Variants in DACH1 observed in about 807,000 individuals in gnomAD.
DACH1 encodes dachshund homolog 1.
A neutral mutation model predicts 54.2 loss-of-function variants in DACH1; 12 were observed. The observed-to-expected ratio is 0.22, with a 90% CI of 0.14 to 0.36. DACH1 has a LOEUF of 0.36. Among genes scored for constraint, DACH1 ranks in the 10% least tolerant of loss-of-function variants. The pLI, the probability that DACH1 is intolerant of heterozygous loss-of-function variation, is 1.00. For synonymous variants in DACH1, 386 were observed against 366.2 expected, an observed-to-expected ratio of 1.05 and a Z score of -0.62; for missense variants, 805 against 929.8, an observed-to-expected ratio of 0.87 and a Z score of 1.75.
intron 1 of DACH1, among the ~76,000 whole-genome samples, chr13:71,684,697 C>G (rs925613819): frequency 6.6e-6 from 1 of 152,108 alleles, no homozygotes; most frequent in African/African-American, 2.4e-5. Flanking sequence ...TCTCCCAAGG[C>G]TACTTGACAG....
At chr13:71,663,158 G>C (rs1879618963) in intron 2 of DACH1, among the ~76,000 whole-genome samples, 1 of 149,184 alleles carries the variant, frequency 6.7e-6, no homozygotes, top group Admixed American at 6.6e-5. Flanking sequence ...TTGTGTATAT[G>C]ATTGTGTGTG....
intron 10 of DACH1, among the ~76,000 whole-genome samples, chr13:71,449,570 T>C (rs1476387308): frequency 6.6e-6 from 1 of 151,860 alleles, no homozygotes; most frequent in Non-Finnish European, 1.5e-5. Context: ...AAATACCTAA[T>C]GCATGCAGGG....
intron 1 of DACH1, among the ~76,000 whole-genome samples, chr13:71,741,891 T>C (rs1594163974): frequency 6.6e-6 from 1 of 152,076 alleles, no homozygotes; most frequent in Non-Finnish European, 1.5e-5. Context: ...CACCTACGTA[T>C]AGTCACTTAA....
chr13:71,795,794 TATA>T (rs1403616245), intron 1 of DACH1, among the ~76,000 whole-genome samples: 1 of 152,202 alleles, frequency 6.6e-6, no homozygotes, highest in Admixed American at 6.5e-5. Context: ...ATGTGAGCAC[TATA>T]ATATCTTCCC....
chr13:71,539,125 T>C (rs1882982589), intron 6 of DACH1, among the ~76,000 whole-genome samples: 2 of 152,072 alleles, frequency 1.3e-5, no homozygotes. Context: ...CTCTATTTGT[T>C]AAGAGGCAAG....
intron 1 of DACH1, among the ~76,000 whole-genome samples, chr13:71,845,244 T>G (rs1434631547): frequency 1.3e-5 from 2 of 148,810 alleles, no homozygotes; most frequent in Non-Finnish European, 2.9e-5. Flanking sequence ...GTCAATTTTC[T>G]AAAAATGTTA....
At chr13:71,801,737 T>C (rs1019978361) in intron 1 of DACH1, among the ~76,000 whole-genome samples, 1 of 151,908 alleles carries the variant, frequency 6.6e-6, no homozygotes, top group Non-Finnish European at 1.5e-5. Flanking sequence ...CCCCAGACTT[T>C]AAAACATAAT....
chr13:71,711,200 G>C (rs1177758227), intron 1 of DACH1, among the ~76,000 whole-genome samples: 1 of 152,044 alleles, frequency 6.6e-6, no homozygotes, highest in African/African-American at 2.4e-5. Context: ...AGAATACACA[G>C]CAATAAAGAG....
intron 1 of DACH1, among the ~76,000 whole-genome samples, chr13:71,798,323 C>CATATATATATATAT (rs35310464): frequency 3.1e-5 from 3 of 96,500 alleles, no homozygotes; most frequent in Non-Finnish European, 4.4e-5. Flanking sequence ...TTGTTACATA[C>CATATATATATATAT]ATATATATAT....
chr13:71,647,814 C>A (rs1161576344), intron 2 of DACH1, among the ~76,000 whole-genome samples: 3 of 152,186 alleles, frequency 2.0e-5, no homozygotes, highest in African/African-American at 7.2e-5. Context: ...AAAATAGCTA[C>A]CAACTTCAAA....
chr13:71,777,819 A>T (rs1002175428), intron 1 of DACH1, among the ~76,000 whole-genome samples: 1 of 152,076 alleles, frequency 6.6e-6, no homozygotes, highest in African/African-American at 2.4e-5. Flanking sequence ...TGAATTATTA[A>T]ATCAATAAAT....
chr13:71,753,924 C>T (rs1885031635), intron 1 of DACH1, among the ~76,000 whole-genome samples: 1 of 152,036 alleles, frequency 6.6e-6, no homozygotes, highest in Admixed American at 6.6e-5. Context: ...GTATAAATGA[C>T]CAAATGTTTT....
chr13:71,803,502 T>C (rs973473116), intron 1 of DACH1, among the ~76,000 whole-genome samples: 8 of 152,182 alleles, frequency 5.3e-5, no homozygotes, highest in Non-Finnish European at 1.2e-4. Flanking sequence ...CCCATGATTG[T>C]AAATTTGCAA....
intron 7 of DACH1, among the ~76,000 whole-genome samples, chr13:71,480,458 A>T (rs1476940053): frequency 6.6e-6 from 1 of 152,214 alleles, no homozygotes; most frequent in Non-Finnish European, 1.5e-5. Flanking sequence ...TGAAAATTAG[A>T]TATGGAAATA....
intron 4 of DACH1, among the ~76,000 whole-genome samples, chr13:71,571,622 A>G (rs967023129): frequency 6.6e-6 from 1 of 152,138 alleles, no homozygotes; most frequent in Non-Finnish European, 1.5e-5. Context: ...TTGATACTAC[A>G]GAAAATGACC....
chr13:71,589,659 C>A (rs770024174), intron 3 of DACH1, among the ~76,000 whole-genome samples: 3 of 151,710 alleles, frequency 2.0e-5, no homozygotes, highest in Non-Finnish European at 2.9e-5. Flanking sequence ...TTGATATTGA[C>A]GTTTTGATTC....
Position 71,866,332 on chromosome 13 carries a change from G to A in DACH1, c.438C>T (p.Ser146=), listed in dbSNP as rs763655531. Residue 146 remains serine (S), a synonymous_variant, in exon 1 of 11, where the codon AGC becomes AGT. Coordinates refer to ENST00000613252, the MANE Select transcript of DACH1 (RefSeq NM_080759.6). Reference sequence around the variant, plus strand: ...TACTACTGCTGCTGCTGCTGCTGCTGCTACTGCTGCTGCTGCTGCTGCCGG... The same window carrying A: ...TACTACTGCTGCTGCTGCTGCTGCTACTACTGCTGCTGCTGCTGCTGCCGG... ...ASTGSSSSSS[S]SSSSSSSSSS... is the part of the protein sequence containing the mutation. The A allele has an allele frequency of 1.6e-5, 25 of 1,529,648 alleles. No individual in the cohort carries two copies. Among genetic ancestry groups the A allele is most frequent in the South Asian group, 2.4e-5 (2 of 83,816 alleles). 94.8% of individuals were successfully genotyped at this position (1,529,648 alleles called of 1,614,324 possible).
rs1882122619 is a variant in DACH1, at chr13:71,701,215, AT to A, written c.849-19306del. Among the ~76,000 whole-genome samples, 3 of 152,178 alleles carry A rather than the reference AT, an allele frequency of 2.0e-5. No individual in the cohort carries two copies. In the South Asian group the frequency reaches 6.2e-4, roughly 31 times the overall value. ...CTTTTTTTAATAAATGTTCATATAT[AT>A]GTACTAAGCTATTTGAAGTCAATAA... On this transcript the variant is annotated intron_variant, in intron 1 of 10. Coordinates refer to ENST00000613252, the MANE Select transcript of DACH1 (RefSeq NM_080759.6).
chr13:71,475,142 T>C lies in DACH1; in HGVS notation c.2082A>G (p.Gln694=). ...GGRTDAERTI[Q]DGRLYLKTTV... ...TTATAGCCTTCTGCAAATTCCTACC[T>C]TGTATTGTCCTTTCAGCATCTGTTC... Residue 694 remains glutamine, a splice_region_variant and synonymous_variant, in exon 10 of 11, where the codon CAA becomes CAG. Coordinates refer to ENST00000613252, the MANE Select transcript of DACH1 (RefSeq NM_080759.6). The C allele has an allele frequency of 6.2e-7, 1 of 1,613,744 alleles. No individual in the cohort carries two copies. Among genetic ancestry groups the C allele is most frequent in the Non-Finnish European group, 8.5e-7 (1 of 1,179,692 alleles).
Sources: gnomAD v4.1 joint callset for allele counts (sites outside exome capture counted in the v4.1 genomes callset) on GRCh38, gnomAD v4.1.1 for gene constraint, MANE v1.5 for transcripts, NCBI Gene and HGNC (gene_info 2026-07-23, HGNC 2026-07-21) for gene names.